Variants in MTPAP observed in about 807,000 individuals in gnomAD.
MTPAP encodes mitochondrial poly(A) polymerase.
Under a neutral mutation model 48.7 loss-of-function variants are expected in MTPAP, and 23 were observed. That is an observed-to-expected ratio of 0.47 (90% CI 0.34 to 0.67). The LOEUF (loss-of-function observed/expected upper bound fraction) is 0.67. MTPAP is among the 30% of genes least tolerant of loss of function. The pLI, the probability that MTPAP is intolerant of heterozygous loss-of-function variation, is 0.01. For missense variants in MTPAP, 614 were observed against 694.3 expected (o/e 0.88, Z 1.30); for synonymous variants, 257 against 254.1 (o/e 1.01, Z -0.11).
chr10:30,341,346 T>C (rs748094421), intron 2 of MTPAP, 122 bp downstream of exon 2: 1 of 1,218,014 alleles, frequency 8.2e-7, no homozygotes, highest in South Asian at 1.5e-5. Flanking sequence ...ATAAAGAAGA[T>C]GCAGTATATC....
intron 3 of MTPAP, 164 bp downstream of exon 3, chr10:30,340,062 T>G: frequency 1.5e-6 from 1 of 664,770 alleles, no homozygotes; most frequent in Middle Eastern, 4.1e-4. Flanking sequence ...CTTCATCTCA[T>G]TATGCATCCA....
intron 1 of MTPAP, among the ~76,000 whole-genome samples, chr10:30,342,171 C>T (rs1355033460): frequency 6.6e-6 from 1 of 152,012 alleles, no homozygotes; most frequent in Non-Finnish European, 1.5e-5. Flanking sequence ...AGGTGGCAGA[C>T]GTTGCAGTGA....
In MTPAP at chr10:30,313,947, A is replaced by C. The variant is rs775577855; in HGVS notation, c.1411T>G (p.Ser471Ala). 1.5e-5 allele frequency: 24 copies of C among 1,613,848 alleles called. No homozygotes were observed. Among genetic ancestry groups the C allele is most frequent in the Non-Finnish European group, 2.0e-5 (24 of 1,179,858 alleles). The change falls in exon 9 of 9, where the codon TCT becomes GCT. Residue 471 changes from serine to alanine, a missense_variant. Coordinates refer to ENST00000263063, the MANE Select transcript of MTPAP (RefSeq NM_018109.4). ...GGATTCTGAATGTACAGAGGAGAAG[A>C]ATCAGGTTTGTTTTGCTCCCTTCCC... The part of the protein sequence containing the change: ...RQGREQNKPD[S>A]SPLYIQNPFE...
chr10:30,337,673 C>T (rs947614118), intron 3 of MTPAP, among the ~76,000 whole-genome samples: 8 of 152,044 alleles, frequency 5.3e-5, no homozygotes, highest in Non-Finnish European at 5.9e-5. Context: ...ACTTTGTAAG[C>T]GATGAGTATA....
intron 1 of MTPAP, among the ~76,000 whole-genome samples, chr10:30,346,858 G>A (rs1018371435): frequency 5.9e-5 from 9 of 152,042 alleles, no homozygotes; most frequent in Non-Finnish European, 1.0e-4. Context: ...GTGATCAATC[G>A]GAAGCCGCAA....
chr10:30,322,257 G>A (rs1013916667), intron 6 of MTPAP, 134 bp downstream of exon 6: 114 of 776,758 alleles, frequency 1.5e-4, no homozygotes, highest in Admixed American at 4.5e-4. Flanking sequence ...TCGTGACTCC[G>A]GTAGACTTTA....
At chr10:30,319,015 G>A (rs148929630) in intron 6 of MTPAP, among the ~76,000 whole-genome samples, 1,541 of 151,252 alleles carry the variant, frequency 0.01, 23 homozygotes, top group South Asian at 0.017. Context: ...AGGTTTGTCT[G>A]TCTTCTCTGG....
chr10:30,315,178 C>T (rs1840646471), intron 8 of MTPAP, among the ~76,000 whole-genome samples: 1 of 150,994 alleles, frequency 6.6e-6, no homozygotes, highest in African/African-American at 2.4e-5. Context: ...CAAAGCTTTC[C>T]GAATGAATCC....
chr10:30,325,498 G>C (rs933703407), intron 5 of MTPAP, among the ~76,000 whole-genome samples: 1 of 152,168 alleles, frequency 6.6e-6, no homozygotes, highest in African/African-American at 2.4e-5. Flanking sequence ...TGTAATCCCA[G>C]CACTCTAGGA....
chr10:30,337,777 C>G (rs1039560227), intron 3 of MTPAP, among the ~76,000 whole-genome samples: 1 of 151,916 alleles, frequency 6.6e-6, no homozygotes, highest in African/African-American at 2.4e-5. Context: ...GATGAAAGAC[C>G]AATGTTAAAG....
chr10:30,331,696 A>G (rs2247084), intron 4 of MTPAP, among the ~76,000 whole-genome samples: 36,740 of 152,024 alleles, frequency 0.24, 4,508 homozygotes, highest in Non-Finnish European at 0.27. Context: ...CCTCCTGAAG[A>G]GCTGGGATTA....
intron 3 of MTPAP, among the ~76,000 whole-genome samples, chr10:30,337,597 T>C (rs970521411): frequency 6.6e-6 from 1 of 152,092 alleles, no homozygotes; most frequent in Non-Finnish European, 1.5e-5. Flanking sequence ...AATTATATAA[T>C]ATTTTAAAAT....
intron 1 of MTPAP, among the ~76,000 whole-genome samples, chr10:30,344,428 A>C (rs1834846913): frequency 1.3e-5 from 2 of 152,220 alleles, no homozygotes; most frequent in East Asian, 3.8e-4. Flanking sequence ...ACAACTATGA[A>C]GGAATGTAAT....
rs149251462 is a variant in MTPAP at position 30,320,998 on chromosome 10, A to T, written c.1219+1393T>A. On this transcript the variant is annotated intron_variant, in intron 6 of 8. Transcript: ENST00000263063. Reference sequence around the variant, plus strand: ...AGTGGTGAAGATCTGCCCATATCTTATGTATGGCTTACCTCTCCATTAGAT... The same window carrying T: ...AGTGGTGAAGATCTGCCCATATCTTTTGTATGGCTTACCTCTCCATTAGAT... 5.5e-3 allele frequency among the ~76,000 whole-genome samples: 845 copies of T among 152,274 alleles called. 6 individuals carry two copies. The highest frequency in any genetic ancestry group is 6.6e-3 in the Non-Finnish European group (452 of 68,022).
At chr10:30,318,898 T>TTC (rs1372557476) in intron 6 of MTPAP, among the ~76,000 whole-genome samples, 1 of 151,962 alleles carries the variant, frequency 6.6e-6, no homozygotes, top group Non-Finnish European at 1.5e-5. Context: ...AATCTAACAG[T>TTC]TGTTACAATA....
rs759395208 is a variant in MTPAP, at chr10:30,341,580, T to C, written c.218A>G (p.Gln73Arg). Residue 73 changes from glutamine (Q) to arginine (R), a missense_variant, in exon 2 of 9, where the codon CAG (glutamine) becomes CGG (arginine). By Grantham distance (43) the Gln-to-Arg change is conservative. This residue lies in a region of MTPAP where 125 missense variants were observed against 111.5 expected (regional missense o/e 1.12). Coordinates refer to ENST00000263063, the MANE Select transcript of MTPAP (RefSeq NM_018109.4). Reference sequence around the variant, plus strand: ...ATGTATTAAAACAGTCCGCTGTGCCTGTTCTCGTCTTTCATTTTGCATCTC... The same window carrying C: ...ATGTATTAAAACAGTCCGCTGTGCCCGTTCTCGTCTTTCATTTTGCATCTC... ...FSEMQNERRE[Q>R]AQRTVLIHCP... The C allele has an allele frequency of 1.2e-6, 2 of 1,614,030 alleles. No individual in the cohort carries two copies. The highest frequency in any genetic ancestry group is 3.3e-5 in the Admixed American group (2 of 60,012).
chr10:30,333,675 G>A (rs1177969173), intron 4 of MTPAP, among the ~76,000 whole-genome samples: 1 of 152,156 alleles, frequency 6.6e-6, no homozygotes, highest in Non-Finnish European at 1.5e-5. Context: ...AGCACTTGGG[G>A]AGGCCGAGGT....
At chr10:30,348,017 T>C (rs1251436058) in intron 1 of MTPAP, among the ~76,000 whole-genome samples, 1 of 152,230 alleles carries the variant, frequency 6.6e-6, no homozygotes, top group Non-Finnish European at 1.5e-5. Context: ...GTAACAGTTA[T>C]TTCCTTCCAC....
rs1437782281 is a variant in MTPAP at position 30,312,129 on chromosome 10, C to T, written c.*1480G>A. 1 of 152,054 alleles carries T rather than the reference C, an allele frequency of 6.6e-6. No individual in the cohort carries two copies. The highest frequency in any genetic ancestry group is 1.5e-5 in the Non-Finnish European group (1 of 68,074). 9.4% of individuals were successfully genotyped at this position (152,054 alleles called of 1,614,324 possible). On this transcript the variant is annotated 3_prime_UTR_variant, in exon 9 of 9. Transcript: ENST00000263063. Reference sequence around the variant, plus strand: ...CAGCCTGGGCAACAAGAGCAAAACTCCGTCTCAGAAACAAAACGAAACAAA... The same window carrying T: ...CAGCCTGGGCAACAAGAGCAAAACTTCGTCTCAGAAACAAAACGAAACAAA...
Sources: allele counts gnomAD v4.1 joint callset (sites outside exome capture counted in the v4.1 genomes callset), GRCh38; gene constraint gnomAD v4.1.1; regional missense constraint gnomAD v4.1.1; transcripts MANE v1.5; gene names NCBI Gene and HGNC (gene_info 2026-07-23, HGNC 2026-07-21).